The following SLC39A8 variants were observed in gnomAD, a reference collection of about 807,000 sequenced individuals.
The protein encoded by SLC39A8 is metal cation symporter ZIP8.
A neutral mutation model predicts 40.4 loss-of-function variants in SLC39A8; 15 were observed. The ratio of observed to expected loss-of-function variants is 0.37; its 90% CI spans 0.25 to 0.57. The LOEUF (loss-of-function observed/expected upper bound fraction) is 0.57, where lower values mean the gene tolerates loss of function less well. SLC39A8 is among the 20% of genes least tolerant of loss of function. The pLI is 0.75. For missense variants in SLC39A8, 472 were observed against 558.8 expected (o/e 0.84, Z 1.57); for synonymous variants, 223 against 221.6 (o/e 1.01, Z -0.06).
At chr4:102,340,180 G>A (rs1223553696) in intron 2 of SLC39A8, among the ~76,000 whole-genome samples, 1 of 152,122 alleles carries the variant, frequency 6.6e-6, no homozygotes, top group Non-Finnish European at 1.5e-5. Flanking sequence ...ATGAATACAT[G>A]TTATAAACCA....
Position 102,307,560 on chromosome 4 carries a change from G to C in SLC39A8, c.428C>G (p.Ser143Cys), listed in dbSNP as rs1446611238. ...FLSVTIINLASLLGLILTPLI... is the reference protein window; with the variant it reads ...FLSVTIINLACLLGLILTPLI... The stretch of plus-strand genomic sequence containing the variant: ...TGGAGTCAAAATCAATCCGAGGAGA[G>C]ATGCCAGATTAATAATCGTCACTGA... Residue 143 changes from serine to cysteine, a missense_variant, in exon 4 of 9, where the codon TCT becomes TGT. Ser to Cys is a moderately radical substitution (Grantham distance 112, BLOSUM62 -1). Around this residue, in one of 4 missense-constraint regions of SLC39A8, gnomAD observed 239 missense variants for 317.9 expected, o/e 0.75. Transcript: ENST00000356736. The C allele has an allele frequency of 6.2e-7, 1 of 1,613,326 alleles. No individual in the cohort carries two copies. Among genetic ancestry groups the C allele is most frequent in the Non-Finnish European group, 8.5e-7 (1 of 1,179,610 alleles).
intron 6 of SLC39A8, among the ~76,000 whole-genome samples, chr4:102,300,458 C>T (rs1733874856): frequency 6.6e-6 from 1 of 151,960 alleles, no homozygotes; most frequent in South Asian, 2.1e-4. Flanking sequence ...TAAAGACATT[C>T]CTAAGTCATA....
intron 3 of SLC39A8, among the ~76,000 whole-genome samples, chr4:102,311,362 A>G (rs2149037850): frequency 6.6e-6 from 1 of 152,264 alleles, no homozygotes; most frequent in Non-Finnish European, 1.5e-5. Context: ...AGACCATGAT[A>G]TAAATGTTAG....
intron 4 of SLC39A8, among the ~76,000 whole-genome samples, chr4:102,306,202 TAG>T (rs1479344292): frequency 1.3e-5 from 2 of 152,010 alleles, no homozygotes; most frequent in East Asian, 3.9e-4. Context: ...ATCATCAATG[TAG>T]AGTCTTTAGT....
Position 102,262,338 on chromosome 4 carries a change from A to C in SLC39A8, c.*706T>G. On this transcript the variant is annotated 3_prime_UTR_variant, in exon 9 of 9. Transcript: ENST00000356736. Reference sequence around the variant, plus strand: ...CAACCACAACATAAGTCAGAAAAAAAGCTATCCAGCTTTTCGTGGAATCTG... The same window carrying C: ...CAACCACAACATAAGTCAGAAAAAACGCTATCCAGCTTTTCGTGGAATCTG... The C allele has an allele frequency of 1.0e-6, 1 of 985,582 alleles. No individual in the cohort carries two copies. The highest frequency in any genetic ancestry group is 1.2e-6 in the Non-Finnish European group (1 of 829,922). 61.1% of individuals were successfully genotyped at this position (985,582 alleles called of 1,614,324 possible). A position where few individuals can be genotyped will look rare whatever the true frequency, so the allele number is the denominator to read the frequency against.
chr4:102,315,833 G>T lies in SLC39A8; in HGVS notation c.220-3C>A. On this transcript the variant is annotated splice_polypyrimidine_tract_variant and splice_region_variant and intron_variant, in intron 2 of 8. Transcript: ENST00000356736. ...AAGATCTCTTCAGCAGTTAAACACT[G>T]AAATAGAATAAACAAAAAAAAAATG... 6.3e-7 allele frequency: 1 copy of T among 1,591,618 alleles called. No homozygotes were observed. The highest frequency in any genetic ancestry group is 1.8e-5 in the Admixed American group (1 of 56,310).
At chr4:102,258,491 G>A (rs1188819079), downstream of SLC39A8, among the ~76,000 whole-genome samples, 1 of 152,072 alleles carries the variant, frequency 6.6e-6, no homozygotes, top group African/African-American at 2.4e-5. Context: ...ATAGTCTCAA[G>A]TCAGTTATTG....
chr4:102,253,793 G>A (rs1032436292), intron 11 of SLC39A8, among the ~76,000 whole-genome samples: 1 of 151,898 alleles, frequency 6.6e-6, no homozygotes, highest in Non-Finnish European at 1.5e-5. Flanking sequence ...ATATGTATAT[G>A]TTATATATAC....
chr4:102,304,168 A>G, intron 6 of SLC39A8, 149 bp downstream of exon 6: 1 of 551,934 alleles, frequency 1.8e-6, no homozygotes, highest in Middle Eastern at 4.7e-4. Context: ...TGGAAAAACA[A>G]TGCAGACTTA....
downstream of SLC39A8, among the ~76,000 whole-genome samples, chr4:102,260,074 T>G (rs1731805423): frequency 6.6e-6 from 1 of 152,170 alleles, no homozygotes; most frequent in Non-Finnish European, 1.5e-5. Flanking sequence ...AAAATACTGG[T>G]TATTAGGAAA....
intron 2 of SLC39A8, among the ~76,000 whole-genome samples, chr4:102,326,514 T>C (rs2149048383): frequency 6.6e-6 from 1 of 152,278 alleles, no homozygotes; most frequent in African/African-American, 2.4e-5. Flanking sequence ...TGAGCCGAGA[T>C]CGCGCCACTG....
chr4:102,259,545 T>TGGG (rs748116933), downstream of SLC39A8: 16 of 1,460,218 alleles, frequency 1.1e-5, no homozygotes, highest in Middle Eastern at 8.6e-4. Context: ...ACTGGTATTA[T>TGGG]GGGGGAGAGA....
At chr4:102,318,918 T>A (rs921101674) in intron 2 of SLC39A8, among the ~76,000 whole-genome samples, 2 of 152,140 alleles carry the variant, frequency 1.3e-5, no homozygotes, top group East Asian at 1.9e-4. Flanking sequence ...GCTGTGGCCT[T>A]TTAAGGTTTC....
exon 12 of SLC39A8, chr4:102,251,453 T>C (rs545072433): frequency 6.6e-6 from 1 of 152,302 alleles, no homozygotes; most frequent in African/African-American, 2.4e-5. Flanking sequence ...GGCCTGGTGG[T>C]CTGGGCATCT....
At chr4:102,274,198 C>T (rs1732504318) in intron 6 of SLC39A8, among the ~76,000 whole-genome samples, 1 of 151,840 alleles carries the variant, frequency 6.6e-6, no homozygotes, top group African/African-American at 2.4e-5. Context: ...ACCTAAGAAC[C>T]TTGAAAAAAA....
intron 6 of SLC39A8, among the ~76,000 whole-genome samples, chr4:102,283,016 A>C (rs950461449): frequency 1.3e-5 from 2 of 152,178 alleles, no homozygotes; most frequent in Non-Finnish European, 2.9e-5. Context: ...GTGAGCCACC[A>C]CACCCAGCCC....
chr4:102,261,171 C>G (rs1330151972), downstream of SLC39A8, among the ~76,000 whole-genome samples: 1 of 152,106 alleles, frequency 6.6e-6, no homozygotes, highest in Non-Finnish European at 1.5e-5. Context: ...CCTCTTGTAC[C>G]GTAATGGACC....
intron 6 of SLC39A8, among the ~76,000 whole-genome samples, chr4:102,302,076 T>C (rs1431937768): frequency 6.6e-6 from 1 of 152,002 alleles, no homozygotes; most frequent in Non-Finnish European, 1.5e-5. Context: ...ACTGTATCTC[T>C]TCCGTGCTTT....
downstream of SLC39A8, chr4:102,259,419 A>C: frequency 3.2e-4 from 445 of 1,390,896 alleles, no homozygotes; most frequent in Non-Finnish European, 4.1e-4. Context: ...AAAACATGCA[A>C]GCCCACCCAT....
Sources: allele counts gnomAD v4.1 joint callset (sites outside exome capture counted in the v4.1 genomes callset), GRCh38; gene constraint gnomAD v4.1.1; regional missense constraint gnomAD v4.1.1; transcripts MANE v1.5; gene names NCBI Gene and HGNC (gene_info 2026-07-23, HGNC 2026-07-21).